IGSF11: variants seen among roughly 807,000 people sequenced by gnomAD.
The protein encoded by IGSF11 is CXADR like 1.
IGSF11 carries 22 observed loss-of-function variants against 41.0 expected under a neutral mutation model. The observed-to-expected ratio is 0.54, with a 90% CI of 0.38 to 0.77. IGSF11 has a LOEUF of 0.77. Among genes scored for constraint, IGSF11 ranks in the 30% least tolerant of loss-of-function variants. The pLI is 0.00. For synonymous variants in IGSF11, 219 were observed against 201.3 expected, an observed-to-expected ratio of 1.09 and a Z score of -0.74; for missense variants, 444 against 530.8, an observed-to-expected ratio of 0.84 and a Z score of 1.61.
At chr3:119,081,025 T>C (rs2076578042) in intron 1 of IGSF11, among the ~76,000 whole-genome samples, 1 of 152,190 alleles carries the variant, frequency 6.6e-6, no homozygotes, top group Non-Finnish European at 1.5e-5. Context: ...TCTCAGTAAC[T>C]TAGAAAGTAA....
chr3:119,076,841 C>A (rs546857374), intron 1 of IGSF11, among the ~76,000 whole-genome samples: 1 of 152,144 alleles, frequency 6.6e-6, no homozygotes, highest in South Asian at 2.1e-4. Context: ...CTAGTTCAAC[C>A]ATTGTGGAAG....
chr3:119,113,256 T>C (rs925191794), intron 1 of IGSF11, among the ~76,000 whole-genome samples: 5 of 151,994 alleles, frequency 3.3e-5, no homozygotes, highest in African/African-American at 9.7e-5. Context: ...TTCCCAATAG[T>C]CCCCCAAAGT....
At chr3:118,929,667 A>G (rs897307354) in intron 2 of IGSF11, among the ~76,000 whole-genome samples, 1 of 152,190 alleles carries the variant, frequency 6.6e-6, no homozygotes, top group African/African-American at 2.4e-5. Flanking sequence ...AATAATTTAT[A>G]TGAGACTCTT....
At chr3:119,136,773 A>G (rs1289259688) in intron 1 of IGSF11, among the ~76,000 whole-genome samples, 1 of 152,180 alleles carries the variant, frequency 6.6e-6, no homozygotes, top group African/African-American at 2.4e-5. Flanking sequence ...GAAAATCAAC[A>G]AAGAAACTTC....
At chr3:119,068,672 T>A (rs577243709) in intron 1 of IGSF11, among the ~76,000 whole-genome samples, 34 of 152,326 alleles carry the variant, frequency 2.2e-4, no homozygotes, top group African/African-American at 7.9e-4. Context: ...TAAGAAAGTT[T>A]TTAGTAAATA....
intron 1 of IGSF11, among the ~76,000 whole-genome samples, chr3:119,026,824 T>C (rs1243471476): frequency 7.2e-5 from 11 of 152,222 alleles, no homozygotes; most frequent in Admixed American, 6.5e-4. Context: ...TCATATCTAC[T>C]TGAATGAACA....
At chr3:119,140,084 A>G (rs2077620974) in intron 1 of IGSF11, among the ~76,000 whole-genome samples, 1 of 152,150 alleles carries the variant, frequency 6.6e-6, no homozygotes. Context: ...TAAAAGAAAG[A>G]CTTGAGGAAC....
At chr3:119,016,929 T>C (rs180944394) in intron 1 of IGSF11, among the ~76,000 whole-genome samples, 50 of 151,972 alleles carry the variant, frequency 3.3e-4, no homozygotes, top group Admixed American at 3.1e-3. Context: ...GAAATAAACA[T>C]GTATTAAGCA....
chr3:118,999,619 A>C (rs1482050551), intron 1 of IGSF11, among the ~76,000 whole-genome samples: 2 of 152,188 alleles, frequency 1.3e-5, no homozygotes, highest in Admixed American at 6.5e-5. Context: ...GAAAATATTC[A>C]ATTTTTCTCA....
At chr3:118,909,833 C>T (rs1030703886) in intron 4 of IGSF11, among the ~76,000 whole-genome samples, 2 of 152,196 alleles carry the variant, frequency 1.3e-5, no homozygotes, top group African/African-American at 4.8e-5. Context: ...ACATTCTCAC[C>T]CTCTTCTATT....
Position 118,953,973 on chromosome 3 carries a change from C to T in IGSF11, c.53-23698G>A, listed in dbSNP as rs941461365. 3.3e-5 allele frequency among the ~76,000 whole-genome samples: 5 copies of T among 152,052 alleles called. 1 individual carries two copies. Among genetic ancestry groups the T allele is most frequent in the East Asian group, 1.9e-4 (1 of 5,178 alleles). ...TTGGGTTCTTGGTCATGAGGTCCTTCCCTAAGCCAACGTCTAGAAAGGTTA... is the reference window on the plus strand; with the variant it reads ...TTGGGTTCTTGGTCATGAGGTCCTTTCCTAAGCCAACGTCTAGAAAGGTTA... On this transcript the variant is annotated intron_variant, in intron 1 of 6. Coordinates refer to ENST00000393775, the MANE Select transcript of IGSF11 (RefSeq NM_001015887.3).
At chr3:118,909,963 A>T (rs1003265916) in intron 4 of IGSF11, among the ~76,000 whole-genome samples, 1 of 152,248 alleles carries the variant, frequency 6.6e-6, no homozygotes, top group Non-Finnish European at 1.5e-5. Context: ...GTATAAATAC[A>T]TTAGTATTTC....
At chr3:118,905,256 G>C (rs959140546) in intron 5 of IGSF11, among the ~76,000 whole-genome samples, 1 of 151,972 alleles carries the variant, frequency 6.6e-6, no homozygotes, top group African/African-American at 2.4e-5. Flanking sequence ...CCAAAATTTT[G>C]CAGATAAAAG....
chr3:119,063,138 A>T (rs1045678824), intron 1 of IGSF11, among the ~76,000 whole-genome samples: 2 of 152,164 alleles, frequency 1.3e-5, no homozygotes, highest in African/African-American at 2.4e-5. Context: ...CTCTTATGAA[A>T]CCTTCAGTCT....
chr3:119,065,734 A>C (rs1478720961), intron 1 of IGSF11, among the ~76,000 whole-genome samples: 1 of 145,660 alleles, frequency 6.9e-6, no homozygotes, highest in Non-Finnish European at 1.5e-5. Flanking sequence ...TGGATGTTGC[A>C]GTGAGCCAAC....
At chr3:119,070,873 C>A (rs972292347) in intron 1 of IGSF11, among the ~76,000 whole-genome samples, 1 of 152,160 alleles carries the variant, frequency 6.6e-6, no homozygotes, top group Admixed American at 6.5e-5. Context: ...GCTCTGAACA[C>A]AACATAGCTA....
chr3:119,109,674 G>A (rs1305004446), upstream of IGSF11, among the ~76,000 whole-genome samples: 1 of 152,002 alleles, frequency 6.6e-6, no homozygotes, highest in Non-Finnish European at 1.5e-5. Flanking sequence ...TCTTTTAATT[G>A]TGATGTTAGG....
intron 4 of IGSF11, among the ~76,000 whole-genome samples, chr3:118,917,328 C>T (rs1287584168): frequency 6.0e-5 from 9 of 150,462 alleles, no homozygotes; most frequent in Non-Finnish European, 8.8e-5. Flanking sequence ...AGCTGGTTTT[C>T]TGAAAGGATC....
chr3:119,089,833 C>T (rs1384372223), intron 1 of IGSF11, among the ~76,000 whole-genome samples: 4 of 151,988 alleles, frequency 2.6e-5, no homozygotes, highest in African/African-American at 4.8e-5. Context: ...GAGACCAGCC[C>T]GGCCAACATG....
Sources: gnomAD v4.1 joint callset for allele counts (sites outside exome capture counted in the v4.1 genomes callset) on GRCh38, gnomAD v4.1.1 for gene constraint, MANE v1.5 for transcripts, NCBI Gene and HGNC (gene_info 2026-07-23, HGNC 2026-07-21) for gene names.